Variants in TNKS observed in about 807,000 individuals in gnomAD.
TNKS encodes poly [ADP-ribose] polymerase tankyrase-1.
TNKS carries 72 observed loss-of-function variants against 135.8 expected under a neutral mutation model. That is an observed-to-expected ratio of 0.53 (90% confidence interval 0.44 to 0.64). The LOEUF (loss-of-function observed/expected upper bound fraction) is 0.64. Ranked by LOEUF, TNKS falls within the 30% of genes least tolerant of loss-of-function variation. The probability of loss-of-function intolerance (pLI) is 0.00; values close to 1 mark genes in which losing one functional copy is unlikely to be tolerated. For synonymous variants in TNKS, 849 were observed against 649.3 expected, an observed-to-expected ratio of 1.31 and a Z score of -4.68; for missense variants, 1,769 against 1,674.0, an observed-to-expected ratio of 1.06 and a Z score of -0.99.
intron 2 of TNKS, among the ~76,000 whole-genome samples, chr8:9,582,462 G>A (rs1585194787): frequency 6.6e-6 from 1 of 152,272 alleles, no homozygotes; most frequent in East Asian, 1.9e-4. Flanking sequence ...TATATGTGGG[G>A]TAGAATAGCA....
chr8:9,638,922 T>C (rs2128775603), intron 3 of TNKS, among the ~76,000 whole-genome samples: 1 of 152,274 alleles, frequency 6.6e-6, no homozygotes, highest in East Asian at 1.9e-4. Context: ...AAAGAGTGAA[T>C]GATTCCAAGA....
chr8:9,640,008 T>A (rs1383522611), intron 3 of TNKS, among the ~76,000 whole-genome samples: 1 of 152,186 alleles, frequency 6.6e-6, no homozygotes, highest in Non-Finnish European at 1.5e-5. Context: ...ATAAATCTTT[T>A]CCACTATGTG....
Position 9,748,141 on chromosome 8 carries a change from C to G in TNKS, c.2761C>G (p.Leu921Val). Residue 921 changes from leucine (L) to valine (V), a missense_variant, in exon 18 of 27, where the codon CTC (leucine) becomes GTC (valine). Physicochemically the swap from Leu to Val is conservative, Grantham distance 32. Around this residue, in one of 5 missense-constraint regions of TNKS, gnomAD observed 722 missense variants for 688.9 expected, o/e 1.05. Transcript: ENST00000310430. ...GAAAGGAAGGACGCAGCTGTGCGCC[C>G]TCCTCCTAGCGCATGGTGCAGACCC... ...AQKGRTQLCA[L>V]LLAHGADPTM... The G allele has an allele frequency of 6.2e-7, 1 of 1,614,132 alleles. No homozygotes were observed. The highest frequency in any genetic ancestry group is 1.1e-5 in the South Asian group (1 of 91,078).
At chr8:9,706,129 A>C (rs1804032470) in intron 6 of TNKS, 58 bp from the exon 7 acceptor site, 1 of 1,245,180 alleles carries the variant, frequency 8.0e-7, no homozygotes, top group Admixed American at 2.2e-5. Flanking sequence ...TCTTAGTACG[A>C]CATGGATAAA....
chr8:9,584,206 A>G (rs1482901921), intron 2 of TNKS, among the ~76,000 whole-genome samples: 1 of 148,574 alleles, frequency 6.7e-6, no homozygotes. Flanking sequence ...GTCACAATGG[A>G]TATTTGTGAT....
chr8:9,603,293 G>A (rs1315262729), intron 2 of TNKS, among the ~76,000 whole-genome samples: 6 of 152,060 alleles, frequency 3.9e-5, no homozygotes, highest in African/African-American at 1.4e-4. Context: ...GACCTGAAGT[G>A]ATCCGCCCGC....
Position 9,555,954 on chromosome 8 carries a change from T to C in TNKS, c.15T>C (p.Arg5=), listed in dbSNP as rs1314199679. The C allele has an allele frequency of 3.1e-6, 5 of 1,611,958 alleles. No individual in the cohort carries two copies. The Admixed American group carries it at 6.7e-5, about 22-fold the overall frequency. The change falls in exon 1 of 27, where the codon CGT becomes CGC. Residue 5 remains arginine (R), a synonymous_variant. Coordinates refer to ENST00000310430, the MANE Select transcript of TNKS (RefSeq NM_003747.3). MAAS[R]RSQHHHHHHQ... is the part of the protein sequence containing the mutation. The stretch of plus-strand genomic sequence containing the variant: ...GGAGTCCGAAGATGGCGGCGTCGCG[T>C]CGCTCTCAGCATCATCACCACCATC...
At chr8:9,650,674 T>A (rs1585277754) in intron 3 of TNKS, among the ~76,000 whole-genome samples, 2 of 152,196 alleles carry the variant, frequency 1.3e-5, no homozygotes, top group South Asian at 4.1e-4. Context: ...TTTTTTTTCT[T>A]GCTTTGTTTG....
At chr8:9,626,423 A>G (rs1224835298) in intron 3 of TNKS, among the ~76,000 whole-genome samples, 3 of 152,256 alleles carry the variant, frequency 2.0e-5, no homozygotes, top group Non-Finnish European at 4.4e-5. Flanking sequence ...CTAGAACTGT[A>G]AGGTAATAAA....
chr8:9,719,577 G>A (rs1416747779), intron 11 of TNKS, among the ~76,000 whole-genome samples: 1 of 152,156 alleles, frequency 6.6e-6, no homozygotes, highest in African/African-American at 2.4e-5. Flanking sequence ...TGGAGATGAG[G>A]AGACTTATCT....
rs1432697625 is a variant in TNKS at position 9,637,653 on chromosome 8, T to C, written c.994+21976T>C. Among the ~76,000 whole-genome samples, 4 of 152,190 alleles carry C rather than the reference T, an allele frequency of 2.6e-5. No individual in the cohort carries two copies. The East Asian group carries it at 7.7e-4, about 29-fold the overall frequency. ...TTTTCTCCAGGAGAGCAACAAATTT[T>C]GTGAATTTGTTTACAAAATAAGTCT... On this transcript the variant is annotated intron_variant, in intron 3 of 26. Coordinates refer to ENST00000310430, the MANE Select transcript of TNKS (RefSeq NM_003747.3).
intron 2 of TNKS, among the ~76,000 whole-genome samples, chr8:9,599,935 A>T (rs1160159493): frequency 6.6e-6 from 1 of 152,238 alleles, no homozygotes; most frequent in Non-Finnish European, 1.5e-5. Context: ...TAACTCATTA[A>T]GTCATATATA....
chr8:9,636,730 C>T (rs1800525943), intron 3 of TNKS, among the ~76,000 whole-genome samples: 1 of 152,132 alleles, frequency 6.6e-6, no homozygotes, highest in Admixed American at 6.5e-5. Context: ...TTCAGTGTTC[C>T]TAATTGGTCA....
chr8:9,636,739 C>T (rs544298886), intron 3 of TNKS, among the ~76,000 whole-genome samples: 2 of 152,136 alleles, frequency 1.3e-5, no homozygotes, highest in South Asian at 4.1e-4. Context: ...CCTAATTGGT[C>T]AAGAGTGCTT....
At chr8:9,636,160 TAAGC>T (rs1800503183) in intron 3 of TNKS, among the ~76,000 whole-genome samples, 1 of 152,184 alleles carries the variant, frequency 6.6e-6, no homozygotes, top group Non-Finnish European at 1.5e-5. Context: ...TGCATAAACA[TAAGC>T]GAGAGGATAT....
chr8:9,679,626 AG>A, intron 3 of TNKS: 1 of 252,788 alleles, frequency 4.0e-6, no homozygotes, highest in Non-Finnish European at 7.7e-6. Context: ...AATAGAGAAA[AG>A]GGGGGAGGGG....
At chr8:9,565,637 G>T (rs1014708344) in intron 1 of TNKS, among the ~76,000 whole-genome samples, 3 of 152,022 alleles carry the variant, frequency 2.0e-5, no homozygotes, top group African/African-American at 7.3e-5. Context: ...GGATCACAAG[G>T]TCAGGAGATG....
chr8:9,610,093 G>A (rs892447796), intron 2 of TNKS, among the ~76,000 whole-genome samples: 1 of 152,070 alleles, frequency 6.6e-6, no homozygotes, highest in Admixed American at 6.6e-5. Flanking sequence ...TCCTGACTTC[G>A]TGATATGCTC....
intron 3 of TNKS, among the ~76,000 whole-genome samples, chr8:9,633,778 C>T (rs972057916): frequency 5.3e-5 from 8 of 152,142 alleles, no homozygotes; most frequent in African/African-American, 1.9e-4. Flanking sequence ...AAGTCTCTGG[C>T]CAGTAGCCAG....
Sources: gnomAD v4.1 joint callset for allele counts (sites outside exome capture counted in the v4.1 genomes callset) on GRCh38, gnomAD v4.1.1 for gene constraint, gnomAD v4.1.1 regional missense constraint, MANE v1.5 for transcripts, NCBI Gene and HGNC (gene_info 2026-07-23, HGNC 2026-07-21) for gene names.